The following CD1D variants were observed in gnomAD, a reference collection of about 807,000 sequenced individuals.
CD1D encodes CD1d molecule.
Under a neutral mutation model 42.1 loss-of-function variants are expected in CD1D, and 40 were observed. The observed-to-expected ratio is 0.95, with a 90% CI of 0.74 to 1.24. The LOEUF (loss-of-function observed/expected upper bound fraction) is 1.24. CD1D is among the 50% of genes most tolerant of loss of function. The pLI, the probability that CD1D is intolerant of heterozygous loss-of-function variation, is 0.00. For missense variants in CD1D, 437 were observed against 416.5 expected (o/e 1.05, Z -0.43); for synonymous variants, 178 against 171.8 (o/e 1.04, Z -0.28).
chr1:158,183,111 G>A lies in CD1D; in HGVS notation c.841G>A (p.Val281Met), dbSNP rs1558045294. 1.9e-6 allele frequency: 3 copies of A among 1,613,920 alleles called. No individual in the cohort carries two copies. In the East Asian group the frequency reaches 6.7e-5, roughly 36 times the overall value. Reference sequence around the variant, plus strand: ...GGAGGCAGCTGGCCTGTCCTGTCGGGTGAAGCACAGCAGTCTAGAGGGCCA... The same window carrying A: ...GGAGGCAGCTGGCCTGTCCTGTCGGATGAAGCACAGCAGTCTAGAGGGCCA... Reference protein sequence around the residue: ...AGEAAGLSCRVKHSSLEGQDI... With the variant: ...AGEAAGLSCRMKHSSLEGQDI... Residue 281 changes from valine (V) to methionine (M), a missense_variant, in exon 4 of 6, where the codon GTG (valine) becomes ATG (methionine). Transcript: ENST00000674085.
chr1:158,183,871 A>G, intron 4 of CD1D, 65 bp from the exon 5 acceptor site: 2 of 1,252,412 alleles, frequency 1.6e-6, no homozygotes, highest in Non-Finnish European at 2.3e-6. Flanking sequence ...TGCCTAGACC[A>G]GGGGATTGGA....
chr1:158,183,228 G>T, intron 4 of CD1D, 72 bp downstream of exon 4: 1 of 1,524,146 alleles, frequency 6.6e-7, no homozygotes, highest in Non-Finnish European at 8.8e-7. Flanking sequence ...GCACTGGGGT[G>T]GGATGTGGCT....
At chr1:158,178,129 A>G (rs1301438779), upstream of CD1D, among the ~76,000 whole-genome samples, 1 of 152,196 alleles carries the variant, frequency 6.6e-6, no homozygotes, top group East Asian at 1.9e-4. Flanking sequence ...TCTCCAGGTT[A>G]CTGTGGTTTG....
upstream of CD1D, among the ~76,000 whole-genome samples, chr1:158,180,596 G>A (rs563523617): frequency 2.0e-5 from 3 of 152,320 alleles, no homozygotes; most frequent in East Asian, 5.8e-4. Flanking sequence ...TTGCACTTGA[G>A]AAATTTTGGA....
chr1:158,183,632 T>C (rs1648564108), intron 4 of CD1D, among the ~76,000 whole-genome samples: 1 of 152,152 alleles, frequency 6.6e-6, no homozygotes, highest in South Asian at 2.1e-4. Flanking sequence ...CGGAGATAGG[T>C]TAACTGCCCG....
At chr1:158,180,254 A>G (rs1163533336), upstream of CD1D, 1 of 152,382 alleles carries the variant, frequency 6.6e-6, no homozygotes, top group East Asian at 1.9e-4. Flanking sequence ...ACACACTGTC[A>G]TCTTACACTT....
chr1:158,181,726 G>T lies in CD1D; in HGVS notation c.328+5G>T. ...CCAAAATGCTACGCTTATCCTGTGA[G>T]CTGAGGGATAGGATCCTGGGCCGGT... On this transcript the variant is annotated splice_donor_5th_base_variant and intron_variant, in intron 2 of 5. Coordinates refer to ENST00000674085, the MANE Select transcript of CD1D (RefSeq NM_001371762.2). The T allele has an allele frequency of 6.2e-7, 1 of 1,606,538 alleles. No individual in the cohort carries two copies. The highest frequency in any genetic ancestry group is 1.3e-5 in the African/African-American group (1 of 75,044).
At position 158,181,461 on chromosome 1, in the gene CD1D, A is replaced by G; in HGVS notation, c.68A>G (p.Gln23Arg). 6.2e-7 allele frequency: 1 copy of G among 1,613,784 alleles called. No individual in the cohort carries two copies. The highest frequency in any genetic ancestry group is 2.2e-5 in the East Asian group (1 of 44,854). ...AATCTTCATTCTCTCCCAGTCCCGC[A>G]AAGGCTTTTCCCCCTCCGCTGCCTC... ...LQAWGSAEVP[Q>R]RLFPLRCLQI... The change falls in exon 2 of 6, where the codon CAA becomes CGA. Residue 23 changes from glutamine (Q) to arginine (R), a missense_variant. Physicochemically the swap from Gln to Arg is conservative, Grantham distance 43. Transcript: ENST00000674085.
At position 158,182,293 on chromosome 1, in the gene CD1D, C is replaced by T. The variant is rs149463702; in HGVS notation, c.590C>T (p.Ser197Leu). 66 of 1,614,114 alleles carry T rather than the reference C, an allele frequency of 4.1e-5. No homozygotes were observed. The African/African-American group carries it at 7.9e-4, about 19-fold the overall frequency. Reference protein sequence around the residue: ...FVSGLLESGKSELKKQVKPKA... With the variant: ...FVSGLLESGKLELKKQVKPKA... ...AGTGGCCTCCTTGAGTCAGGGAAGT[C>T]GGAACTGAAGAAGCAAGGTCAGCCT... Residue 197 changes from serine to leucine, a missense_variant, in exon 3 of 6, where the codon TCG (serine) becomes TTG (leucine). Ser to Leu is a moderately radical substitution (Grantham distance 145). Transcript: ENST00000674085.
rs1045313628 is a variant in CD1D at position 158,184,118 on chromosome 1, T to G, written c.987-11T>G. 3 of 1,614,046 alleles carry G rather than the reference T, an allele frequency of 1.9e-6. No homozygotes were observed. The highest frequency in any genetic ancestry group is 1.3e-5 in the African/African-American group (1 of 74,914). ...TTCCTTAATGGTCTTTCCCTTTCTATTCTCTCACAGTTCCTATCAGGGCGT... is the reference window on the plus strand; with the variant it reads ...TTCCTTAATGGTCTTTCCCTTTCTAGTCTCTCACAGTTCCTATCAGGGCGT... On this transcript the variant is annotated splice_polypyrimidine_tract_variant and intron_variant, in intron 5 of 5. Transcript: ENST00000674085.
Position 158,184,327 on chromosome 1 carries a change from T to C in CD1D, c.*177T>C. ...TTTCATCACACCCTTTTAACATTTA[T>C]CTAAAAGAATTTAAATTCTTTTTCA... On this transcript the variant is annotated 3_prime_UTR_variant, in exon 6 of 6. Transcript: ENST00000674085. 1.6e-6 allele frequency: 1 copy of C among 642,568 alleles called. No individual in the cohort carries two copies. The highest frequency in any genetic ancestry group is 2.7e-6 in the Non-Finnish European group (1 of 367,008). The allele number at this position is 642,568 out of a possible 1,614,324, so 39.8% of individuals were successfully genotyped here. A position where few individuals can be genotyped will look rare whatever the true frequency, so the allele number is the denominator to read the frequency against.
At chr1:158,183,885 A>G (rs1177062550) in intron 4 of CD1D, 51 bp from the exon 5 acceptor site, 1 of 1,392,546 alleles carries the variant, frequency 7.2e-7, no homozygotes, top group Non-Finnish European at 1.0e-6. Context: ...GATTGGATAT[A>G]TGTAGAGAGG....
intron 1 of CD1D, 120 bp downstream of exon 1, chr1:158,181,282 C>T (rs1648391808): frequency 2.8e-6 from 4 of 1,433,232 alleles, no homozygotes; most frequent in Middle Eastern, 2.3e-4. Flanking sequence ...CTGGCGCGAT[C>T]TAGGTAGAAA....
chr1:158,183,128 A>G lies in CD1D; in HGVS notation c.858A>G (p.Leu286=). 2 of 1,612,572 alleles carry G rather than the reference A, an allele frequency of 1.2e-6. No individual in the cohort carries two copies. The highest frequency in any genetic ancestry group is 1.7e-6 in the Non-Finnish European group (2 of 1,178,982). Residue 286 remains leucine (L), a synonymous_variant, in exon 4 of 6, where the codon CTA becomes CTG. Transcript: ENST00000674085. ...GLSCRVKHSS[L]EGQDIVLYWG... is the part of the protein sequence containing the mutation. ...CCTGTCGGGTGAAGCACAGCAGTCTAGAGGGCCAGGACATCGTCCTCTACT... is the reference window on the plus strand; with the variant it reads ...CCTGTCGGGTGAAGCACAGCAGTCTGGAGGGCCAGGACATCGTCCTCTACT...
In CD1D at chr1:158,181,046, CGCAGGTCAGA is replaced by C; in HGVS notation, c.-54_-45del. The C allele has an allele frequency of 6.9e-7, 1 of 1,441,552 alleles. No homozygotes were observed. Among genetic ancestry groups the C allele is most frequent in the Middle Eastern group, 2.5e-4 (1 of 3,978 alleles). 89.3% of individuals were successfully genotyped at this position (1,441,552 alleles called of 1,614,324 possible). A position where few individuals can be genotyped will look rare whatever the true frequency, so the allele number is the denominator to read the frequency against. On this transcript the variant is annotated 5_prime_UTR_variant, in exon 1 of 6. Coordinates refer to ENST00000674085, the MANE Select transcript of CD1D (RefSeq NM_001371762.2). ...AGCTGAGCGGCGGGGGAGAAGAGTG[CGCAGGTCAGA>C]GGGCGGCGCGCAGCGGCGCTCCGCG...
intron 1 of CD1D, 56 bp downstream of exon 1, chr1:158,181,218 G>T (rs572941690): frequency 6.5e-7 from 1 of 1,530,862 alleles, no homozygotes; most frequent in East Asian, 2.4e-5. Context: ...AGAGGGAGCT[G>T]GGTAGGGACG....
At chr1:158,183,604 T>A (rs1648562250) in intron 4 of CD1D, among the ~76,000 whole-genome samples, 1 of 152,160 alleles carries the variant, frequency 6.6e-6, no homozygotes, top group African/African-American at 2.4e-5. Flanking sequence ...TTTCGTTATA[T>A]AGATGAGGAA....
intron 4 of CD1D, 59 bp downstream of exon 4, chr1:158,183,215 G>A: frequency 3.2e-6 from 5 of 1,544,494 alleles, no homozygotes; most frequent in Non-Finnish European, 4.4e-6. Context: ...GGCATAGAGG[G>A]AGGCACTGGG....
chr1:158,182,982 T>G lies in CD1D; in HGVS notation c.712T>G (p.Trp238Gly). ...CTACCCAAAGCCTGTATGGGTGAAG[T>G]GGATGCGGGGTGAGCAGGAGCAGCA... ...GFYPKPVWVK[W>G]MRGEQEQQGT... Residue 238 changes from tryptophan (W) to glycine (G), a missense_variant, in exon 4 of 6, where the codon TGG (tryptophan) becomes GGG (glycine). Physicochemically the swap from Trp to Gly is radical, Grantham distance 184 (BLOSUM62 -2). Transcript: ENST00000674085. The G allele has an allele frequency of 6.2e-7, 1 of 1,614,084 alleles. No homozygotes were observed. The highest frequency in any genetic ancestry group is 8.5e-7 in the Non-Finnish European group (1 of 1,180,004).
Sources: allele counts gnomAD v4.1 joint callset (sites outside exome capture counted in the v4.1 genomes callset), GRCh38; gene constraint gnomAD v4.1.1; transcripts MANE v1.5; gene names NCBI Gene and HGNC (gene_info 2026-07-23, HGNC 2026-07-21).